COL4A2: variants seen among roughly 807,000 people sequenced by gnomAD.
The protein encoded by COL4A2 is collagen alpha-2(IV) chain.
Under a neutral mutation model 200.2 loss-of-function variants are expected in COL4A2, and 99 were observed. The observed-to-expected ratio is 0.49, with a 90% confidence interval of 0.42 to 0.58. The LOEUF is 0.58. Among genes scored for constraint, COL4A2 ranks in the 20% least tolerant of loss-of-function variants. The pLI, the probability that COL4A2 is intolerant of heterozygous loss-of-function variation, is 0.00. For synonymous variants in COL4A2, 897 were observed against 900.6 expected (o/e 1.00, Z 0.07); for missense variants, 1,950 against 2,314.1 (o/e 0.84, Z 3.23).
At chr13:110,401,844 T>A (rs574198196) in intron 4 of COL4A2, among the ~76,000 whole-genome samples, 1 of 152,300 alleles carries the variant, frequency 6.6e-6, no homozygotes, top group African/African-American at 2.4e-5. Flanking sequence ...TCTGATGAGA[T>A]CCAGGATTCA....
At chr13:110,480,988 T>C (rs369614264) in intron 31 of COL4A2, among the ~76,000 whole-genome samples, 77 of 106,510 alleles carry the variant, frequency 7.2e-4, no homozygotes, top group East Asian at 1.8e-3. Flanking sequence ...AGTTCTGTCC[T>C]TCCATTGCTG....
rs530933085 is a variant in COL4A2 at position 110,321,225 on chromosome 13, T to TAC, written c.99+13118_99+13119dup. Among the ~76,000 whole-genome samples, 440 of 143,604 alleles carry TAC rather than the reference T, an allele frequency of 3.1e-3. 3 individuals are homozygous for TAC. The highest frequency in any genetic ancestry group is 8.1e-3 in the African/African-American group (281 of 34,826). The allele number at this position is 143,604 out of a possible 152,430, so 94.2% of individuals were successfully genotyped here. A position where few individuals can be genotyped will look rare whatever the true frequency, so the allele number is the denominator to read the frequency against. ...GTCTGTGTGTATATATATATATATA[T>TAC]ACACACACACACACACATAGAGAGT... is the stretch of plus-strand genomic sequence containing the variant. On this transcript the variant is annotated intron_variant, in intron 3 of 47. Coordinates refer to ENST00000360467, the MANE Select transcript of COL4A2 (RefSeq NM_001846.4).
intron 28 of COL4A2, among the ~76,000 whole-genome samples, chr13:110,472,306 G>A (rs575021440): frequency 2.4e-4 from 36 of 152,052 alleles, no homozygotes; most frequent in East Asian, 9.7e-4. Context: ...TAGTAGAGAC[G>A]AGGTTTCACC....
chr13:110,429,194 C>A (rs1161816459), intron 7 of COL4A2: 2 of 152,262 alleles, frequency 1.3e-5, no homozygotes, highest in East Asian at 3.9e-4. Context: ...GAGGGAAGAA[C>A]AGTCATTAAT....
Position 110,470,688 on chromosome 13 carries a change from G to A in COL4A2, c.2203+1364G>A, listed in dbSNP as rs186145628. Among the ~76,000 whole-genome samples, 17 of 152,258 alleles carry A rather than the reference G, an allele frequency of 1.1e-4. No individual in the cohort carries two copies. The East Asian group carries it at 1.3e-3, about 12-fold the overall frequency. ...TGTCTGGAATATCACACAGAACATC[G>A]GGACTGTTGCGCCCTTAGGTTGAAC... On this transcript the variant is annotated intron_variant, in intron 28 of 47. Coordinates refer to ENST00000360467, the MANE Select transcript of COL4A2 (RefSeq NM_001846.4).
rs997219991 is a variant in COL4A2, at chr13:110,493,202, C to A, written c.3563-9C>A. 1.2e-6 allele frequency: 2 copies of A among 1,614,010 alleles called. No individual in the cohort carries two copies. Among genetic ancestry groups the A allele is most frequent in the Non-Finnish European group, 1.7e-6 (2 of 1,180,026 alleles). ...GTGAAATAAATAACGATGAGTGACA[C>A]CCCCGCAGGTTTTCCGGGACTCCGT... On this transcript the variant is annotated splice_polypyrimidine_tract_variant and intron_variant, in intron 38 of 47. Coordinates refer to ENST00000360467, the MANE Select transcript of COL4A2 (RefSeq NM_001846.4).
At chr13:110,482,955 C>T (rs951538888) in intron 32 of COL4A2, among the ~76,000 whole-genome samples, 3 of 152,048 alleles carry the variant, frequency 2.0e-5, no homozygotes, top group African/African-American at 7.2e-5. Context: ...ATGATTATAC[C>T]GTGGTAAACA....
At chr13:110,471,107 A>G (rs545646867) in intron 28 of COL4A2, among the ~76,000 whole-genome samples, 2 of 152,332 alleles carry the variant, frequency 1.3e-5, no homozygotes, top group Admixed American at 1.3e-4. Context: ...CATATATACT[A>G]AGTTTAAGCA....
At chr13:110,326,862 T>A (rs1885429083) in intron 3 of COL4A2, among the ~76,000 whole-genome samples, 1 of 152,200 alleles carries the variant, frequency 6.6e-6, no homozygotes, top group South Asian at 2.1e-4. Context: ...TCAGAGCAGT[T>A]CACACAGTCT....
chr13:110,356,663 G>A (rs1877281175), intron 3 of COL4A2, among the ~76,000 whole-genome samples: 1 of 152,196 alleles, frequency 6.6e-6, no homozygotes, highest in Admixed American at 6.5e-5. Flanking sequence ...CATGCCACAG[G>A]CCTGCTCCTT....
In COL4A2 at chr13:110,473,165, G is replaced by C; in HGVS notation, c.2425+15G>C. On this transcript the variant is annotated intron_variant, in intron 29 of 47. Transcript: ENST00000360467. The stretch of plus-strand genomic sequence containing the variant: ...TGGATTCAGAGGTGAGTGCCCCATC[G>C]GGGAGCCGGGGGCCCCATCCCAGAT... The C allele has an allele frequency of 6.5e-7, 1 of 1,548,318 alleles. No homozygotes were observed. The highest frequency in any genetic ancestry group is 8.7e-7 in the Non-Finnish European group (1 of 1,146,456).
intron 4 of COL4A2, among the ~76,000 whole-genome samples, chr13:110,367,437 T>G (rs1406077936): frequency 1.5e-4 from 23 of 152,246 alleles, no homozygotes; most frequent in Admixed American, 1.5e-3. Context: ...TTGGATGAAT[T>G]CTATAGTTAG....
At chr13:110,507,913 C>G in intron 46 of COL4A2, 22 bp from the exon 47 acceptor site, 1 of 1,610,590 alleles carries the variant, frequency 6.2e-7, no homozygotes, top group Non-Finnish European at 8.5e-7. Context: ...GCACTGTGAT[C>G]TCATGACCCC....
chr13:110,473,287 G>T, intron 29 of COL4A2, 137 bp downstream of exon 29: 1 of 733,526 alleles, frequency 1.4e-6, no homozygotes, highest in East Asian at 2.9e-5. Flanking sequence ...CTTCTCCCAT[G>T]GCCTTCCAGC....
chr13:110,449,612 A>G (rs567183898), intron 18 of COL4A2, 67 bp from the exon 19 acceptor site: 2 of 1,447,054 alleles, frequency 1.4e-6, no homozygotes, highest in East Asian at 2.5e-5. Flanking sequence ...TCAATGAAAA[A>G]GTGAACGCCA....
At chr13:110,358,514 G>T (rs1010919944) in intron 4 of COL4A2, among the ~76,000 whole-genome samples, 1 of 152,172 alleles carries the variant, frequency 6.6e-6, no homozygotes, top group African/African-American at 2.4e-5. Context: ...AAACAGTGAC[G>T]CAGTTGCTTG....
In COL4A2 at chr13:110,485,080, G is replaced by A. The variant is rs559450030; in HGVS notation, c.3025+53G>A. The A allele has an allele frequency of 2.1e-3, 3,032 of 1,468,588 alleles. 10 individuals are homozygous for A. Among genetic ancestry groups the A allele is most frequent in the Non-Finnish European group, 2.5e-3 (2,700 of 1,093,878 alleles). 91.0% of individuals were successfully genotyped at this position (1,468,588 alleles called of 1,614,324 possible). ...CCCCTAGTCCCTGCCGCCCCAGCCC[G>A]CACCAGCTCGTGCCCTTCTCCGTCC... On this transcript the variant is annotated intron_variant, in intron 33 of 47. Transcript: ENST00000360467.
chr13:110,406,022 C>T (rs1033812941), intron 4 of COL4A2, among the ~76,000 whole-genome samples: 1 of 152,186 alleles, frequency 6.6e-6, no homozygotes, highest in Non-Finnish European at 1.5e-5. Context: ...GTGTCTGCCG[C>T]CTGGATTCTT....
chr13:110,451,646 C>T (rs1881541619), intron 20 of COL4A2, among the ~76,000 whole-genome samples: 1 of 152,190 alleles, frequency 6.6e-6, no homozygotes, highest in Non-Finnish European at 1.5e-5. Context: ...GTGGAAACTG[C>T]CTCCATGATT....
Sources: gnomAD v4.1 joint callset for allele counts (sites outside exome capture counted in the v4.1 genomes callset) on GRCh38, gnomAD v4.1.1 for gene constraint, MANE v1.5 for transcripts, NCBI Gene and HGNC (gene_info 2026-07-23, HGNC 2026-07-21) for gene names.